The following RBFOX1 variants were observed in gnomAD, a reference collection of about 807,000 sequenced individuals.
RBFOX1 encodes the protein RNA binding protein fox-1 homolog 1.
In RBFOX1, 8 loss-of-function variants were observed where a neutral mutation model predicts 57.7. The ratio of observed to expected loss-of-function variants is 0.14; its 90% confidence interval spans 0.08 to 0.25. The LOEUF is 0.25. Among genes scored for constraint, RBFOX1 ranks in the 10% least tolerant of loss-of-function variants. RBFOX1 has a pLI of 1.00. For synonymous variants in RBFOX1, 326 were observed against 222.4 expected, an observed-to-expected ratio of 1.47 and a Z score of -4.15; for missense variants, 611 against 548.5, an observed-to-expected ratio of 1.11 and a Z score of -1.14.
At chr16:7,554,707 C>G (rs1442224189) in intron 5 of RBFOX1, among the ~76,000 whole-genome samples, 1 of 151,634 alleles carries the variant, frequency 6.6e-6, no homozygotes, top group Non-Finnish European at 1.5e-5. Flanking sequence ...TTAACTATTC[C>G]CAATTTGGAA....
At chr16:5,367,832 GTC>G (rs2151360141) in intron 1 of RBFOX1, among the ~76,000 whole-genome samples, 1 of 152,272 alleles carries the variant, frequency 6.6e-6, no homozygotes, top group South Asian at 2.1e-4. Flanking sequence ...ACCTGGGTCT[GTC>G]TGTCTGTTTG....
chr16:7,035,417 C>T (rs981582049), intron 3 of RBFOX1, among the ~76,000 whole-genome samples: 3 of 152,152 alleles, frequency 2.0e-5, no homozygotes, highest in East Asian at 1.9e-4. Context: ...TGCACCCTAT[C>T]GAATGCACTG....
rs569138228 is a variant in RBFOX1, at chr16:5,584,026, C to A, written c.259-14876C>A. 2.0e-5 allele frequency among the ~76,000 whole-genome samples: 3 copies of A among 152,268 alleles called. No individual in the cohort carries two copies. In the East Asian group the frequency reaches 5.8e-4, roughly 29 times the overall value. On this transcript the variant is annotated intron_variant, in intron 2 of 2. Coordinates refer to the RBFOX1 transcript ENST00000585867. Reference sequence around the variant, plus strand: ...GGGTCACATCCCTCTAATCAGCCTGCCTAGTACCCCGTGCTCCAAGTATCC... The same window carrying A: ...GGGTCACATCCCTCTAATCAGCCTGACTAGTACCCCGTGCTCCAAGTATCC...
intron 1 of RBFOX1, among the ~76,000 whole-genome samples, chr16:5,451,057 C>G (rs567572346): frequency 1.3e-5 from 2 of 152,282 alleles, no homozygotes; most frequent in Admixed American, 6.5e-5. Context: ...AGAGTGGGCA[C>G]TCGAGGAATG....
intron 4 of RBFOX1, among the ~76,000 whole-genome samples, chr16:5,903,671 A>G (rs753514414): frequency 5.9e-5 from 9 of 152,090 alleles, no homozygotes; most frequent in South Asian, 2.1e-4. Context: ...GGCACCTCTA[A>G]TAGTAAAATT....
chr16:5,266,335 A>G (rs1200811746), intron 1 of RBFOX1, among the ~76,000 whole-genome samples: 1 of 152,120 alleles, frequency 6.6e-6, no homozygotes, highest in East Asian at 1.9e-4. Flanking sequence ...ACAGGCAACC[A>G]CCAGTGTCCC....
intron 3 of RBFOX1, among the ~76,000 whole-genome samples, chr16:6,999,022 C>T (rs2092522949): frequency 6.6e-6 from 1 of 151,466 alleles, no homozygotes; most frequent in South Asian, 2.1e-4. Flanking sequence ...GCATCCACTA[C>T]CATGCCTGGC....
chr16:7,182,700 A>C (rs1438185870), intron 4 of RBFOX1, among the ~76,000 whole-genome samples: 1 of 152,132 alleles, frequency 6.6e-6, no homozygotes, highest in Admixed American at 6.5e-5. Flanking sequence ...AGACCAGGAA[A>C]GGGATCAGCA....
intron 2 of RBFOX1, among the ~76,000 whole-genome samples, chr16:6,528,979 C>A (rs2096619380): frequency 6.6e-6 from 1 of 152,162 alleles, no homozygotes; most frequent in Non-Finnish European, 1.5e-5. Flanking sequence ...TATTTCTCTA[C>A]ATGAAGAACA....
intron 3 of RBFOX1, among the ~76,000 whole-genome samples, chr16:6,695,959 A>G (rs1035045456): frequency 6.6e-6 from 1 of 152,204 alleles, no homozygotes; most frequent in Non-Finnish European, 1.5e-5. Flanking sequence ...ACATTGCAAT[A>G]AGCTTTTAAA....
intron 5 of RBFOX1, among the ~76,000 whole-genome samples, chr16:7,578,002 T>G (rs2093466621): frequency 6.6e-6 from 1 of 152,252 alleles, no homozygotes; most frequent in South Asian, 2.1e-4. Flanking sequence ...GGAGGGCTGA[T>G]TTATGTGTCC....
At chr16:6,601,767 C>T (rs1048265788) in intron 2 of RBFOX1, among the ~76,000 whole-genome samples, 1 of 152,196 alleles carries the variant, frequency 6.6e-6, no homozygotes, top group African/African-American at 2.4e-5. Flanking sequence ...AAAGATATAG[C>T]TGAGTTTAAC....
At chr16:6,785,133 A>G (rs1567233715) in intron 3 of RBFOX1, among the ~76,000 whole-genome samples, 1 of 151,762 alleles carries the variant, frequency 6.6e-6, no homozygotes, top group Non-Finnish European at 1.5e-5. Flanking sequence ...ATTATTAAAT[A>G]TAGTGTTATA....
intron 3 of RBFOX1, among the ~76,000 whole-genome samples, chr16:6,657,767 A>G (rs1048173980): frequency 2.6e-5 from 4 of 152,034 alleles, no homozygotes; most frequent in Non-Finnish European, 5.9e-5. Flanking sequence ...GCCTATGTGG[A>G]TTTTTACGAC....
intron 4 of RBFOX1, among the ~76,000 whole-genome samples, chr16:7,319,674 C>T (rs888028648): frequency 6.6e-6 from 1 of 152,070 alleles, no homozygotes; most frequent in Non-Finnish European, 1.5e-5. Context: ...GGTGCCAGCT[C>T]CTTAGTAGAT....
At position 5,697,532 on chromosome 16, in the gene RBFOX1, A is replaced by ATTTTTTTTTTTTTTTTTTTTT. The variant is rs374138178; in HGVS notation, c.318+98573_318+98574insTTTTTTTTTTTTTTTTTTTTT. 4.5e-5 allele frequency among the ~76,000 whole-genome samples: 6 copies of ATTTTTTTTTTTTTTTTTTTTT among 133,966 alleles called. 3 individuals are homozygous for ATTTTTTTTTTTTTTTTTTTTT. The highest frequency in any genetic ancestry group is 9.4e-5 in the Non-Finnish European group (6 of 63,834). The allele number at this position is 133,966 out of a possible 152,430, so 87.9% of individuals were successfully genotyped here. ...GTTGTGGGCTTTTCTTTTCTTTTCTATTCTTTTTTTTTTTTTTTTGAGATA... is the reference window on the plus strand; with the variant it reads ...GTTGTGGGCTTTTCTTTTCTTTTCTATTTTTTTTTTTTTTTTTTTTTTTCTTTTTTTTTTTTTTTTGAGATA... On this transcript the variant is annotated intron_variant, in intron 3 of 19. Coordinates refer to the RBFOX1 transcript ENST00000641259.
intron 2 of RBFOX1, among the ~76,000 whole-genome samples, chr16:5,557,408 C>T (rs999482832): frequency 7.4e-6 from 1 of 135,956 alleles, no homozygotes; most frequent in East Asian, 1.9e-4. Flanking sequence ...ATTGGGTCCC[C>T]ATATGAAGCT....
chr16:6,112,338 G>C (rs1399011015), intron 1 of RBFOX1, among the ~76,000 whole-genome samples: 2 of 152,144 alleles, frequency 1.3e-5, no homozygotes, highest in Non-Finnish European at 2.9e-5. Flanking sequence ...TTCTAATAGA[G>C]AAATCAAAGT....
At chr16:7,569,034 ACTTT>A (rs2092471439) in intron 5 of RBFOX1, among the ~76,000 whole-genome samples, 1 of 151,962 alleles carries the variant, frequency 6.6e-6, no homozygotes, top group African/African-American at 2.4e-5. Flanking sequence ...CCTAGGGAAG[ACTTT>A]CTTTCTCTAC....
Sources: gnomAD v4.1 joint callset for allele counts (sites outside exome capture counted in the v4.1 genomes callset) on GRCh38, gnomAD v4.1.1 for gene constraint, MANE v1.5 for transcripts, NCBI Gene and HGNC (gene_info 2026-07-23, HGNC 2026-07-21) for gene names.